The following SPECC1 variants were observed in gnomAD, a reference collection of about 807,000 sequenced individuals.
SPECC1 encodes cytospin-B.
In SPECC1, 62 loss-of-function variants were observed where a neutral mutation model predicts 104.1. That is an observed-to-expected ratio of 0.60 (90% CI 0.49 to 0.74). SPECC1 has a LOEUF of 0.74. Among genes scored for constraint, SPECC1 ranks in the 30% least tolerant of loss-of-function variants. SPECC1 has a pLI of 0.00. For missense variants in SPECC1, 1,306 were observed against 1,310.5 expected (o/e 1.00, Z 0.05); for synonymous variants, 513 against 501.6 (o/e 1.02, Z -0.30).
At chr17:20,222,500 A>G (rs1048973771) in intron 4 of SPECC1, among the ~76,000 whole-genome samples, 1 of 151,968 alleles carries the variant, frequency 6.6e-6, no homozygotes, top group African/African-American at 2.4e-5. Flanking sequence ...ATTAAGTCTG[A>G]TATTTCTTTG....
chr17:20,016,857 C>T (rs9896499), intron 1 of SPECC1, among the ~76,000 whole-genome samples: 10,509 of 152,258 alleles, frequency 0.069, 977 homozygotes, highest in African/African-American at 0.21. Flanking sequence ...GCACTGATGC[C>T]GGATCCACTG....
intron 1 of SPECC1, among the ~76,000 whole-genome samples, chr17:20,011,125 A>G (rs2043927555): frequency 6.6e-6 from 1 of 152,208 alleles, no homozygotes. Flanking sequence ...TGTGTTCATA[A>G]CAAGGATCAG....
chr17:20,260,181 T>C lies in SPECC1; in HGVS notation c.2838-11T>C, dbSNP rs748968354. Reference sequence around the variant, plus strand: ...ATCTTCTCCTTACCATGTGCTCTTCTTTCTAACCAGTGTGGAAAGAAAAGA... The same window carrying C: ...ATCTTCTCCTTACCATGTGCTCTTCCTTCTAACCAGTGTGGAAAGAAAAGA... On this transcript the variant is annotated splice_polypyrimidine_tract_variant and intron_variant, in intron 11 of 14. Transcript: ENST00000395527. The C allele has an allele frequency of 1.2e-5, 19 of 1,609,558 alleles. No individual in the cohort carries two copies. Among genetic ancestry groups the C allele is most frequent in the South Asian group, 2.2e-5 (2 of 90,628 alleles).
chr17:20,063,194 A>G (rs1235867726), intron 1 of SPECC1, among the ~76,000 whole-genome samples: 2 of 152,206 alleles, frequency 1.3e-5, no homozygotes, highest in East Asian at 1.9e-4. Flanking sequence ...ATTGGTTGCT[A>G]TTAGATGGGT....
At chr17:20,178,683 T>C (rs1443104051) in intron 3 of SPECC1, among the ~76,000 whole-genome samples, 6 of 152,128 alleles carry the variant, frequency 3.9e-5, no homozygotes, top group Admixed American at 2.0e-4. Flanking sequence ...AACAAAGATA[T>C]TGTGAGGTGA....
intron 1 of SPECC1, among the ~76,000 whole-genome samples, chr17:20,072,311 A>G (rs1201407400): frequency 6.6e-6 from 1 of 152,218 alleles, no homozygotes; most frequent in Non-Finnish European, 1.5e-5. Flanking sequence ...CTAAATCAGT[A>G]AAGCCAACAA....
intron 4 of SPECC1, among the ~76,000 whole-genome samples, chr17:20,208,748 A>G (rs2036946101): frequency 6.6e-6 from 1 of 152,206 alleles, no homozygotes; most frequent in South Asian, 2.1e-4. Context: ...TTTTGTAGGC[A>G]TTTGGTACAT....
chr17:20,079,811 A>G (rs1040234202), intron 1 of SPECC1, among the ~76,000 whole-genome samples: 3 of 152,178 alleles, frequency 2.0e-5, no homozygotes, highest in Admixed American at 6.5e-5. Flanking sequence ...GTGGCTGCGA[A>G]GCTGCCATTG....
intron 7 of SPECC1, among the ~76,000 whole-genome samples, chr17:20,239,962 T>C (rs2039123830): frequency 7.3e-6 from 1 of 136,686 alleles, no homozygotes; most frequent in Non-Finnish European, 1.5e-5. Flanking sequence ...GGTACAGTCA[T>C]GGCTCACTGC....
intron 1 of SPECC1, among the ~76,000 whole-genome samples, chr17:20,093,733 GTTT>G (rs10578540): frequency 1.7e-4 from 22 of 129,762 alleles, no homozygotes; most frequent in Admixed American, 3.8e-4. Context: ...TTTGTTTTTT[GTTT>G]TTTTTTTTTT....
intron 7 of SPECC1, among the ~76,000 whole-genome samples, chr17:20,234,573 C>G: frequency 6.6e-6 from 1 of 152,188 alleles, no homozygotes; most frequent in East Asian, 1.9e-4. Context: ...GATTGAAACT[C>G]AGTTTGACTT....
chr17:20,300,305 C>T (rs1218405865), intron 13 of SPECC1, among the ~76,000 whole-genome samples: 1 of 152,228 alleles, frequency 6.6e-6, no homozygotes, highest in Non-Finnish European at 1.5e-5. Context: ...CTTCAGCGGC[C>T]TCACGGGTCA....
chr17:20,262,952 G>A (rs1175007246), intron 12 of SPECC1, among the ~76,000 whole-genome samples: 1 of 152,096 alleles, frequency 6.6e-6, no homozygotes, highest in African/African-American at 2.4e-5. Context: ...TGAGGCTGCA[G>A]TGAGCTGAGA....
intron 9 of SPECC1, among the ~76,000 whole-genome samples, chr17:20,252,082 T>C (rs957248303): frequency 6.6e-6 from 1 of 152,162 alleles, no homozygotes; most frequent in African/African-American, 2.4e-5. Context: ...AGTTGTGTTT[T>C]TAGAAAAACA....
chr17:20,169,264 TAAACTATCTACTCAGGGGCATAGATAC>T (rs1277397137), intron 3 of SPECC1, among the ~76,000 whole-genome samples: 5 of 152,208 alleles, frequency 3.3e-5, no homozygotes, highest in African/African-American at 1.2e-4. Context: ...GTGGGAGCTA[TAAACTATCTACTCAGGGGCATAGATAC>T]AAACTATCTC....
intron 1 of SPECC1, among the ~76,000 whole-genome samples, chr17:20,058,973 G>C (rs1353673684): frequency 6.6e-6 from 1 of 150,692 alleles, no homozygotes; most frequent in Non-Finnish European, 1.5e-5. Flanking sequence ...TCGAGTAGCT[G>C]GGACTACAGG....
At chr17:20,171,000 A>G (rs1173646304) in intron 3 of SPECC1, among the ~76,000 whole-genome samples, 1 of 152,228 alleles carries the variant, frequency 6.6e-6, no homozygotes, top group African/African-American at 2.4e-5. Context: ...GGAAGGTTAC[A>G]TTATAAGCAG....
intron 4 of SPECC1, among the ~76,000 whole-genome samples, chr17:20,222,587 G>A (rs562241198): frequency 2.6e-5 from 4 of 152,180 alleles, no homozygotes; most frequent in African/African-American, 9.7e-5. Flanking sequence ...GTCTTGAAAA[G>A]TTGTAGTTAT....
chr17:20,311,381 TTTGTTTTTG>T (rs1305252662), intron 14 of SPECC1, among the ~76,000 whole-genome samples: 1 of 150,088 alleles, frequency 6.7e-6, no homozygotes, highest in African/African-American at 2.5e-5. Flanking sequence ...ACATTTTTTT[TTTGTTTTTG>T]TTTTTGTTTT....
Sources: allele counts gnomAD v4.1 joint callset (sites outside exome capture counted in the v4.1 genomes callset), GRCh38; gene constraint gnomAD v4.1.1; transcripts MANE v1.5; gene names NCBI Gene and HGNC (gene_info 2026-07-23, HGNC 2026-07-21).